Variants in ATP2C2 observed in about 807,000 individuals in gnomAD.
ATP2C2 encodes ATPase secretory pathway Ca2+ transporting 2.
A neutral mutation model predicts 110.8 loss-of-function variants in ATP2C2; 171 were observed. The ratio of observed to expected loss-of-function variants is 1.54; its 90% CI spans 1.36 to 1.75. ATP2C2 has a LOEUF of 1.75. ATP2C2 is among the 40% of genes most tolerant of loss of function. ATP2C2 has a pLI of 0.00. For synonymous variants in ATP2C2, 804 were observed against 508.4 expected, an observed-to-expected ratio of 1.58 and a Z score of -7.82; for missense variants, 1,963 against 1,235.0, an observed-to-expected ratio of 1.59 and a Z score of -8.84.
At chr16:84,438,542 C>G (rs557681113) in intron 11 of ATP2C2, among the ~76,000 whole-genome samples, 4 of 152,214 alleles carry the variant, frequency 2.6e-5, no homozygotes, top group Non-Finnish European at 4.4e-5. Flanking sequence ...CACACGCTCT[C>G]CTCGAATCCA....
chr16:84,439,362 C>G, intron 12 of ATP2C2, 65 bp from the exon 13 acceptor site: 1 of 1,612,390 alleles, frequency 6.2e-7, no homozygotes. Context: ...GGCAATCCAG[C>G]CTGGGGGTTT....
At chr16:84,455,463 C>T (rs1910708565) in intron 21 of ATP2C2, among the ~76,000 whole-genome samples, 1 of 152,186 alleles carries the variant, frequency 6.6e-6, no homozygotes, top group South Asian at 2.1e-4. Flanking sequence ...GGCAGAAACA[C>T]CCCCATCGCT....
At chr16:84,412,506 G>T (rs1025780920) in intron 6 of ATP2C2, among the ~76,000 whole-genome samples, 1 of 122,702 alleles carries the variant, frequency 8.1e-6, no homozygotes, top group South Asian at 3.3e-4. Context: ...GTGTATATGT[G>T]TCTGTGTGTG....
At chr16:84,403,583 C>G (rs1029998828) in intron 2 of ATP2C2, among the ~76,000 whole-genome samples, 1 of 152,202 alleles carries the variant, frequency 6.6e-6, no homozygotes, top group African/African-American at 2.4e-5. Flanking sequence ...TTTGGGATTA[C>G]AGGTATGAGT....
At position 84,454,900 on chromosome 16, in the gene ATP2C2, G is replaced by A; in HGVS notation, c.2063G>A (p.Gly688Glu). The A allele has an allele frequency of 6.2e-7, 1 of 1,614,038 alleles. No homozygotes were observed. Among genetic ancestry groups the A allele is most frequent in the Non-Finnish European group, 8.5e-7 (1 of 1,179,974 alleles). Residue 688 changes from glycine (G) to glutamate (E), a missense_variant, in exon 21 of 27, where the codon GGG (glycine) becomes GAG (glutamate). By Grantham distance (98) the Gly-to-Glu change is moderately conservative. Transcript: ENST00000262429. The stretch of plus-strand genomic sequence containing the variant: ...GTGGCCCTGAAGTCTGCAGACATTG[G>A]GATCGCCATGGGGCAGACAGGGACG... ...DAVALKSADI[G>E]IAMGQTGTDV... is the part of the protein sequence containing the mutation.
chr16:84,390,310 T>A (rs1179177671), intron 1 of ATP2C2, among the ~76,000 whole-genome samples: 1 of 152,234 alleles, frequency 6.6e-6, no homozygotes. Context: ...TGGAGTGAGC[T>A]CACAGCTCCA....
chr16:84,433,189 A>G (rs1908430478), intron 11 of ATP2C2, among the ~76,000 whole-genome samples: 1 of 151,992 alleles, frequency 6.6e-6, no homozygotes, highest in South Asian at 2.1e-4. Context: ...AGACCAGCCT[A>G]GACAACATAG....
Position 84,461,699 on chromosome 16 carries a change from G to A in ATP2C2, c.2482-15G>A. On this transcript the variant is annotated splice_polypyrimidine_tract_variant and intron_variant, in intron 24 of 26. Coordinates refer to ENST00000262429, the MANE Select transcript of ATP2C2 (RefSeq NM_014861.4). Reference sequence around the variant, plus strand: ...TCTTCCCGCCTAACCTCTCACCTTTGTGCTCACCTTCCAGATGCCTGAAGA... The same window carrying A: ...TCTTCCCGCCTAACCTCTCACCTTTATGCTCACCTTCCAGATGCCTGAAGA... 6.2e-7 allele frequency: 1 copy of A among 1,610,066 alleles called. No individual in the cohort carries two copies. Among genetic ancestry groups the A allele is most frequent in the Non-Finnish European group, 8.5e-7 (1 of 1,176,292 alleles).
intron 1 of ATP2C2, among the ~76,000 whole-genome samples, chr16:84,393,588 G>T (rs1015780401): frequency 4.6e-5 from 7 of 152,154 alleles, no homozygotes; most frequent in African/African-American, 1.7e-4. Flanking sequence ...GCTCGATGTT[G>T]GCAAATGAGG....
rs534447818 is a variant in ATP2C2 at position 84,401,297 on chromosome 16, C to T, written c.210+2688C>T. ...GGAGTGCGGTGGCGCTATCTCAGCTCACTGCAACCTCTGCCTCCTGGGTTC... is the reference window on the plus strand; with the variant it reads ...GGAGTGCGGTGGCGCTATCTCAGCTTACTGCAACCTCTGCCTCCTGGGTTC... On this transcript the variant is annotated intron_variant, in intron 2 of 26. Transcript: ENST00000262429. 7.6e-4 allele frequency among the ~76,000 whole-genome samples: 113 copies of T among 148,380 alleles called. 1 individual carries two copies. Among genetic ancestry groups the T allele is most frequent in the African/African-American group, 2.7e-3 (106 of 39,632 alleles).
At chr16:84,369,498 G>A (rs1284347448) in intron 1 of ATP2C2, among the ~76,000 whole-genome samples, 4 of 151,230 alleles carry the variant, frequency 2.6e-5, no homozygotes, top group South Asian at 2.1e-4. Flanking sequence ...CCAGAGGGTC[G>A]TTGCACTTTT....
chr16:84,437,757 C>T (rs1026529038), intron 11 of ATP2C2, among the ~76,000 whole-genome samples: 1 of 152,214 alleles, frequency 6.6e-6, no homozygotes, highest in Non-Finnish European at 1.5e-5. Flanking sequence ...CTCAGGTGAT[C>T]TGCCCACCTG....
intron 17 of ATP2C2, among the ~76,000 whole-genome samples, chr16:84,450,410 C>A (rs1261001364): frequency 2.6e-5 from 4 of 152,096 alleles, no homozygotes; most frequent in Admixed American, 1.3e-4. Flanking sequence ...AGACCCCCCA[C>A]CCCACATGCA....
chr16:84,369,330 A>G (rs567779367), intron 1 of ATP2C2, among the ~76,000 whole-genome samples: 3 of 152,266 alleles, frequency 2.0e-5, no homozygotes, highest in East Asian at 3.9e-4. Context: ...AAAGCTGTCA[A>G]ATAAAGCCCC....
At chr16:84,426,300 G>A (rs1014788611) in intron 11 of ATP2C2, among the ~76,000 whole-genome samples, 9 of 152,106 alleles carry the variant, frequency 5.9e-5, no homozygotes, top group Admixed American at 3.3e-4. Flanking sequence ...ACTCACTCCA[G>A]CAAGAACGGC....
chr16:84,458,531 A>T (rs1373711433), intron 21 of ATP2C2, among the ~76,000 whole-genome samples: 1 of 151,998 alleles, frequency 6.6e-6, no homozygotes, highest in East Asian at 1.9e-4. Flanking sequence ...AAAAGTCATA[A>T]TATCAGCTCT....
intron 15 of ATP2C2, among the ~76,000 whole-genome samples, chr16:84,444,400 G>A (rs1909559237): frequency 6.6e-6 from 1 of 151,684 alleles, no homozygotes; most frequent in Admixed American, 6.6e-5. Flanking sequence ...TTGAACCCAG[G>A]AGGCGGAGGT....
intron 17 of ATP2C2, among the ~76,000 whole-genome samples, chr16:84,451,645 C>T (rs1910274460): frequency 1.3e-5 from 2 of 152,114 alleles, no homozygotes; most frequent in East Asian, 1.9e-4. Flanking sequence ...TGAGACCAGC[C>T]TGGCCAACAT....
rs576064225 is a variant in ATP2C2 at position 84,417,824 on chromosome 16, T to G, written c.624+2233T>G. Among the ~76,000 whole-genome samples, 270 of 152,358 alleles carry G rather than the reference T, an allele frequency of 1.8e-3. 5 individuals carry two copies. The South Asian group carries it at 0.02, about 11-fold the overall frequency. The stretch of plus-strand genomic sequence containing the variant: ...GATTTTCCTGGTGGTATTCTGCAAT[T>G]CCATTAAACAATCAATAGCTTTGCC... On this transcript the variant is annotated intron_variant, in intron 7 of 26. Transcript: ENST00000262429.
Sources: gnomAD v4.1 joint callset for allele counts (sites outside exome capture counted in the v4.1 genomes callset) on GRCh38, gnomAD v4.1.1 for gene constraint, MANE v1.5 for transcripts, NCBI Gene and HGNC (gene_info 2026-07-23, HGNC 2026-07-21) for gene names.